The following JARID2 variants were observed in gnomAD, a reference collection of about 807,000 sequenced individuals.
The protein encoded by JARID2 is jumonji and AT-rich interaction domain containing 2.
JARID2 carries 21 observed loss-of-function variants against 125.6 expected under a neutral mutation model. The observed-to-expected ratio is 0.17, with a 90% confidence interval of 0.12 to 0.24. The LOEUF (loss-of-function observed/expected upper bound fraction) is 0.24. Ranked by LOEUF, JARID2 falls within the 10% of genes least tolerant of loss-of-function variation. The probability of loss-of-function intolerance (pLI) is 1.00; values close to 1 mark genes in which losing one functional copy is unlikely to be tolerated. For missense variants in JARID2, 1,303 were observed against 1,639.6 expected (o/e 0.79, Z 3.55); for synonymous variants, 736 against 661.6 (o/e 1.11, Z -1.73).
At chr6:15,410,504 G>C (rs539170518) in intron 3 of JARID2, 139 bp downstream of exon 3, 3 of 777,386 alleles carry the variant, frequency 3.9e-6, no homozygotes, top group African/African-American at 1.7e-5. Context: ...ATGAGGTTTC[G>C]TATCAAATGC....
chr6:15,394,197 G>T (rs2127545514), intron 2 of JARID2, among the ~76,000 whole-genome samples: 1 of 152,242 alleles, frequency 6.6e-6, no homozygotes, highest in South Asian at 2.1e-4. Flanking sequence ...AATGTTAGGT[G>T]CTTTGTATGT....
At chr6:15,279,145 C>CAT (rs1354625868) in intron 1 of JARID2, among the ~76,000 whole-genome samples, 1 of 133,954 alleles carries the variant, frequency 7.5e-6, no homozygotes, top group African/African-American at 4.0e-5. Context: ...TTCATATATA[C>CAT]ATATATTCAT....
At position 15,513,227 on chromosome 6, in the gene JARID2, C is replaced by A; in HGVS notation, c.3267-12C>A. ...GTCACTAAAGGTGCGGGCCGTCTCC[C>A]GTGTCTGGCAGGGATACAGAGCTGC... is the stretch of plus-strand genomic sequence containing the variant. On this transcript the variant is annotated splice_polypyrimidine_tract_variant and intron_variant, in intron 15 of 17. Transcript: ENST00000341776. 1 of 1,555,682 alleles carries A rather than the reference C, an allele frequency of 6.4e-7. No homozygotes were observed.
chr6:15,326,780 C>T (rs1040013571), intron 1 of JARID2, among the ~76,000 whole-genome samples: 3 of 152,146 alleles, frequency 2.0e-5, no homozygotes, highest in Non-Finnish European at 2.9e-5. Flanking sequence ...GGATAATAGG[C>T]GTCAGCCACC....
intron 1 of JARID2, among the ~76,000 whole-genome samples, chr6:15,345,874 A>C (rs1446066642): frequency 1.3e-5 from 2 of 152,186 alleles, no homozygotes; most frequent in Non-Finnish European, 2.9e-5. Context: ...AAGCCTTGGG[A>C]AGGGAACTGC....
rs1226068623 is a variant in JARID2, at chr6:15,330,607, T to A, written c.46-43510T>A. Among the ~76,000 whole-genome samples, 4 of 152,244 alleles carry A rather than the reference T, an allele frequency of 2.6e-5. No individual in the cohort carries two copies. In the East Asian group the frequency reaches 7.7e-4, roughly 29 times the overall value. ...GGGACAATGTATTTCAAAAATCAGT[T>A]CTAATATATTAAAAGCATAGAGTGT... On this transcript the variant is annotated intron_variant, in intron 1 of 17. Transcript: ENST00000341776.
At position 15,415,831 on chromosome 6, in the gene JARID2, C is replaced by CACCTCCCCACCTCCCT. The variant is rs1211363566; in HGVS notation, c.323+5473_323+5474insCACCTCCCTACCTCCC. 1.2e-4 allele frequency among the ~76,000 whole-genome samples: 18 copies of CACCTCCCCACCTCCCT among 149,564 alleles called. No homozygotes were observed. In the East Asian group the frequency reaches 3.6e-3, roughly 30 times the overall value. ...TGGCCGGGCGGGGGGCTGACCCCCC[C>CACCTCCCCACCTCCCT]ACCTCCCTCCCGGACGGGGCGGCTG... On this transcript the variant is annotated intron_variant, in intron 3 of 17. Coordinates refer to ENST00000341776, the MANE Select transcript of JARID2 (RefSeq NM_004973.4).
At chr6:15,396,648 A>G (rs1365952991) in intron 2 of JARID2, among the ~76,000 whole-genome samples, 1 of 152,216 alleles carries the variant, frequency 6.6e-6, no homozygotes, top group African/African-American at 2.4e-5. Context: ...CCTGGGCAGG[A>G]TAGTTCAAGG....
intron 1 of JARID2, chr6:15,247,661 T>C: frequency 1.0e-6 from 1 of 983,142 alleles, no homozygotes; most frequent in Non-Finnish European, 1.2e-6. Context: ...GTGGTGTGTG[T>C]AATGAGAGAT....
At chr6:15,469,272 C>A in intron 5 of JARID2, among the ~76,000 whole-genome samples, 1 of 96,014 alleles carries the variant, frequency 1.0e-5, no homozygotes, top group Non-Finnish European at 2.2e-5. Context: ...CTCTCTGTCT[C>A]TCTGTCTCTC....
chr6:15,341,236 C>T (rs1390720291), intron 1 of JARID2, among the ~76,000 whole-genome samples: 1 of 152,130 alleles, frequency 6.6e-6, no homozygotes, highest in Non-Finnish European at 1.5e-5. Context: ...CCCATTTTTT[C>T]TTGCTTCATG....
At chr6:15,407,007 C>T (rs550558205) in intron 2 of JARID2, among the ~76,000 whole-genome samples, 7 of 151,864 alleles carry the variant, frequency 4.6e-5, no homozygotes, top group African/African-American at 4.8e-5. Flanking sequence ...GCCTGTAATT[C>T]CAGTGCTTTG....
At chr6:15,400,964 G>T (rs750511995) in intron 2 of JARID2, 5 of 1,289,424 alleles carry the variant, frequency 3.9e-6, no homozygotes, top group Non-Finnish European at 5.1e-6. Context: ...GCTGCTCCAC[G>T]GGTCTGTCAG....
At chr6:15,517,069 G>A (rs1343723372) in intron 16 of JARID2, 92 bp from the exon 17 acceptor site, 3 of 890,116 alleles carry the variant, frequency 3.4e-6, no homozygotes, top group South Asian at 1.4e-5. Flanking sequence ...AGTGGGTGTG[G>A]TGGCTGCCCG....
At chr6:15,306,481 C>A (rs546700225) in intron 1 of JARID2, among the ~76,000 whole-genome samples, 1 of 151,738 alleles carries the variant, frequency 6.6e-6, no homozygotes, top group Non-Finnish European at 1.5e-5. Context: ...ATTACAAACG[C>A]CTGCCACACG....
At chr6:15,247,483 T>C (rs1759224582) in intron 1 of JARID2, 1 of 981,250 alleles carries the variant, frequency 1.0e-6, no homozygotes, top group African/African-American at 1.8e-5. Flanking sequence ...ATTAACCAAA[T>C]ATGCACTCGA....
intron 1 of JARID2, among the ~76,000 whole-genome samples, chr6:15,332,935 CT>C (rs33921682): frequency 5.9e-4 from 25 of 42,164 alleles, no homozygotes; most frequent in East Asian, 4.3e-3. Flanking sequence ...CTTTTCTTTT[CT>C]TTTTTTTTTT....
chr6:15,260,520 C>T (rs1042552549), intron 1 of JARID2, among the ~76,000 whole-genome samples: 3 of 152,178 alleles, frequency 2.0e-5, no homozygotes, highest in Admixed American at 6.5e-5. Flanking sequence ...TGGGCCAAGT[C>T]TCATAGTTGA....
At chr6:15,333,969 G>A (rs1247084566) in intron 1 of JARID2, among the ~76,000 whole-genome samples, 2 of 152,082 alleles carry the variant, frequency 1.3e-5, no homozygotes. Flanking sequence ...AGACTGGTTT[G>A]GATGAACACA....
Sources: gnomAD v4.1 joint callset for allele counts (sites outside exome capture counted in the v4.1 genomes callset) on GRCh38, gnomAD v4.1.1 for gene constraint, MANE v1.5 for transcripts, NCBI Gene and HGNC (gene_info 2026-07-23, HGNC 2026-07-21) for gene names.